The following PDE1C variants were observed in gnomAD, a reference collection of about 807,000 sequenced individuals.
The protein encoded by PDE1C is phosphodiesterase 1C.
PDE1C carries 62 observed loss-of-function variants against 93.1 expected under a neutral mutation model. That is an observed-to-expected ratio of 0.67 (90% CI 0.54 to 0.82). PDE1C has a LOEUF of 0.82. PDE1C is among the 40% of genes least tolerant of loss of function. The probability of loss-of-function intolerance (pLI) is 0.00; values close to 1 mark genes in which losing one functional copy is unlikely to be tolerated. For synonymous variants in PDE1C, 325 were observed against 310.1 expected, an observed-to-expected ratio of 1.05 and a Z score of -0.50; for missense variants, 742 against 884.6, an observed-to-expected ratio of 0.84 and a Z score of 2.04.
At chr7:32,012,746 T>C (rs927907813) in intron 2 of PDE1C, among the ~76,000 whole-genome samples, 15 of 152,318 alleles carry the variant, frequency 9.8e-5, no homozygotes, top group African/African-American at 3.6e-4. Context: ...AAATATGTGC[T>C]ATTTATTGTA....
chr7:31,754,295 A>G (rs1794310416), intron 17 of PDE1C, among the ~76,000 whole-genome samples: 1 of 152,222 alleles, frequency 6.6e-6, no homozygotes, highest in Admixed American at 6.5e-5. Context: ...TGGAATGCAA[A>G]ATGGTACAGC....
rs202182557 is a variant in PDE1C at position 32,374,182 on chromosome 7, GA to G, written c.310+53639del. On this transcript the variant is annotated intron_variant, in intron 1 of 1. Transcript: ENST00000672256. The stretch of plus-strand genomic sequence containing the variant: ...AAAGAGAAAGAAAGAAAGAAAGAAA[GA>G]AAGAAAGAAAGAGAGGGAAAGAGAG... 9.0e-4 allele frequency among the ~76,000 whole-genome samples: 87 copies of G among 97,156 alleles called. 2 individuals carry two copies. Among genetic ancestry groups the G allele is most frequent in the South Asian group, 2.6e-3 (7 of 2,734 alleles). 63.7% of individuals were successfully genotyped at this position (97,156 alleles called of 152,430 possible).
chr7:31,974,466 C>G (rs1456229845), intron 2 of PDE1C, among the ~76,000 whole-genome samples: 2 of 152,102 alleles, frequency 1.3e-5, no homozygotes, highest in Non-Finnish European at 2.9e-5. Flanking sequence ...TTCCTGTGAA[C>G]TAAGAGAAAG....
intron 1 of PDE1C, among the ~76,000 whole-genome samples, chr7:32,408,586 C>T (rs930903981): frequency 6.6e-6 from 1 of 152,100 alleles, no homozygotes; most frequent in Non-Finnish European, 1.5e-5. Flanking sequence ...GTCAGTAGTT[C>T]GAGACCAGCC....
chr7:31,944,892 T>C (rs971596708), intron 2 of PDE1C, among the ~76,000 whole-genome samples: 6 of 152,182 alleles, frequency 3.9e-5, no homozygotes, highest in Admixed American at 2.6e-4. Flanking sequence ...GAAGAAACTT[T>C]TAATTTTAGA....
rs137946079 is a variant in PDE1C at position 31,764,916 on chromosome 7, C to T, written c.1960+10748G>A. Among the ~76,000 whole-genome samples the T allele has an allele frequency of 9.5e-4, 144 of 152,306 alleles. 1 individual carries two copies. Among genetic ancestry groups the T allele is most frequent in the African/African-American group, 3.3e-3 (138 of 41,568 alleles). ...ATGAATCACTTTGAATATACACAAG[C>T]TGGAAATGATGATTGGGATCTACAG... On this transcript the variant is annotated intron_variant, in intron 17 of 17. Coordinates refer to ENST00000396191, the MANE Select transcript of PDE1C (RefSeq NM_001191057.4).
At chr7:32,154,173 C>CAA (rs1801430481) in intron 3 of PDE1C, among the ~76,000 whole-genome samples, 1 of 152,136 alleles carries the variant, frequency 6.6e-6, no homozygotes, top group African/African-American at 2.4e-5. Flanking sequence ...GTAGGAGGAT[C>CAA]ACCTGAGCCT....
the PDE1C span, chr7:31,642,291 A>G: frequency 1.5e-6 from 2 of 1,377,646 alleles, no homozygotes; most frequent in Non-Finnish European, 2.0e-6. Flanking sequence ...CCTGTTGCTC[A>G]TCCCTAACAT....
chr7:32,350,379 C>T (rs1214352015), intron 1 of PDE1C, among the ~76,000 whole-genome samples: 2 of 151,604 alleles, frequency 1.3e-5, no homozygotes, highest in African/African-American at 4.9e-5. Context: ...TTTAACACAA[C>T]CACAATACTA....
intron 2 of PDE1C, among the ~76,000 whole-genome samples, chr7:31,921,707 C>T (rs1583980171): frequency 1.3e-5 from 2 of 152,260 alleles, no homozygotes; most frequent in East Asian, 3.9e-4. Flanking sequence ...AAAACACCAG[C>T]TCATGCTTTT....
At chr7:31,781,515 A>G (rs558649060) in intron 16 of PDE1C, among the ~76,000 whole-genome samples, 266 of 152,264 alleles carry the variant, frequency 1.7e-3, no homozygotes, top group African/African-American at 5.6e-3. Context: ...ATCTGCCAAC[A>G]TCTTCTTTGT....
At chr7:31,753,688 C>A in intron 17 of PDE1C, 135 bp from the exon 18 acceptor site, 1 of 1,313,642 alleles carries the variant, frequency 7.6e-7, no homozygotes, top group Non-Finnish European at 1.0e-6. Context: ...TGGATTCTCC[C>A]TGGAAACCTT....
At chr7:31,799,988 T>C (rs979745721) in intron 16 of PDE1C, among the ~76,000 whole-genome samples, 2 of 151,772 alleles carry the variant, frequency 1.3e-5, no homozygotes, top group Non-Finnish European at 2.9e-5. Flanking sequence ...TTTATCTTAA[T>C]ATGGTTTTAA....
intron 1 of PDE1C, among the ~76,000 whole-genome samples, chr7:32,065,085 G>C (rs1490289977): frequency 1.3e-5 from 2 of 151,752 alleles, no homozygotes; most frequent in African/African-American, 4.8e-5. Context: ...GGCCAGTGAG[G>C]GGGAGGTGGT....
intron 1 of PDE1C, among the ~76,000 whole-genome samples, chr7:32,316,779 T>C (rs572614627): frequency 6.6e-6 from 1 of 152,034 alleles, no homozygotes; most frequent in Admixed American, 6.5e-5. Flanking sequence ...GTATTAATGA[T>C]TTAATGCTGA....
At chr7:31,940,127 C>G (rs529452024) in intron 2 of PDE1C, among the ~76,000 whole-genome samples, 52 of 152,280 alleles carry the variant, frequency 3.4e-4, no homozygotes, top group African/African-American at 1.2e-3. Flanking sequence ...TAGGTTGGAT[C>G]TGGGTTTAGA....
the PDE1C span, among the ~76,000 whole-genome samples, chr7:31,649,079 T>C: frequency 6.6e-6 from 1 of 152,338 alleles, no homozygotes; most frequent in East Asian, 1.9e-4. Flanking sequence ...GCAAGAGTAA[T>C]TGCAAAATTG....
chr7:32,031,844 G>C (rs889861269), intron 2 of PDE1C, among the ~76,000 whole-genome samples: 1 of 152,158 alleles, frequency 6.6e-6, no homozygotes, highest in Non-Finnish European at 1.5e-5. Flanking sequence ...AGTGGGAAGA[G>C]ATGGGGCAAG....
the PDE1C span, among the ~76,000 whole-genome samples, chr7:31,619,114 T>C: frequency 0.67 from 101,977 of 152,048 alleles, 34,432 homozygotes; most frequent in East Asian, 0.84. Flanking sequence ...TCTGTGTATA[T>C]TAGTCACAAC....
Sources: allele counts gnomAD v4.1 joint callset (sites outside exome capture counted in the v4.1 genomes callset), GRCh38; gene constraint gnomAD v4.1.1; transcripts MANE v1.5; gene names NCBI Gene and HGNC (gene_info 2026-07-23, HGNC 2026-07-21).